The following PINX1 variants were observed in gnomAD, a reference collection of about 807,000 sequenced individuals.
PINX1 encodes PIN2 (TERF1) interacting telomerase inhibitor 1, also known as PIN2/TERF1-interacting telomerase inhibitor 1.
PINX1 carries 34 observed loss-of-function variants against 25.4 expected under a neutral mutation model. The observed-to-expected ratio is 1.34, with a 90% CI of 1.02 to 1.78. The LOEUF is 1.78. PINX1 is among the 40% of genes most tolerant of loss of function. The pLI, the probability that PINX1 is intolerant of heterozygous loss-of-function variation, is 0.00. For synonymous variants in PINX1, 197 were observed against 147.7 expected (o/e 1.33, Z -2.42); for missense variants, 592 against 404.9 (o/e 1.46, Z -3.97).
At chr8:10,814,414 GGA>G (rs1797631180) in intron 6 of PINX1, among the ~76,000 whole-genome samples, 1 of 152,176 alleles carries the variant, frequency 6.6e-6, no homozygotes, top group Non-Finnish European at 1.5e-5. Flanking sequence ...TGAAGTCAGA[GGA>G]GAGTCCTTCA....
chr8:10,813,477 C>T (rs1454547138), intron 6 of PINX1, among the ~76,000 whole-genome samples: 1 of 152,140 alleles, frequency 6.6e-6, no homozygotes, highest in African/African-American at 2.4e-5. Context: ...ATGAATTCCA[C>T]CAAGCAAAGC....
intron 6 of PINX1, among the ~76,000 whole-genome samples, chr8:10,798,378 CA>C (rs1343003688): frequency 6.6e-6 from 1 of 152,174 alleles, no homozygotes; most frequent in Non-Finnish European, 1.5e-5. Context: ...TAATTGGAAA[CA>C]AATCAGAATG....
At chr8:10,793,453 T>C (rs1425477388) in intron 6 of PINX1, among the ~76,000 whole-genome samples, 4 of 152,158 alleles carry the variant, frequency 2.6e-5, no homozygotes, top group East Asian at 3.9e-4. Context: ...TGATGTGCTA[T>C]TTAAAAAAAA....
intron 6 of PINX1, among the ~76,000 whole-genome samples, chr8:10,794,423 C>A (rs775300703): frequency 6.6e-6 from 1 of 152,008 alleles, no homozygotes; most frequent in Non-Finnish European, 1.5e-5. Context: ...GGAGCAAACC[C>A]TTCGCCTGTT....
At chr8:10,820,936 G>T (rs925605629) in intron 5 of PINX1, among the ~76,000 whole-genome samples, 1 of 152,168 alleles carries the variant, frequency 6.6e-6, no homozygotes, top group Non-Finnish European at 1.5e-5. Flanking sequence ...TGGCTCTATG[G>T]TTCTTATTTA....
intron 6 of PINX1, among the ~76,000 whole-genome samples, chr8:10,803,087 CTT>C (rs545692932): frequency 2.6e-5 from 4 of 152,110 alleles, no homozygotes; most frequent in Non-Finnish European, 4.4e-5. Context: ...ATTAAAAAAA[CTT>C]TTTTATTGTG....
chr8:10,823,367 A>G (rs993391937), intron 5 of PINX1, among the ~76,000 whole-genome samples: 1 of 152,190 alleles, frequency 6.6e-6, no homozygotes, highest in African/African-American at 2.4e-5. Context: ...CTTTCATCCA[A>G]CAACTGCATA....
chr8:10,831,998 A>C lies in PINX1; in HGVS notation c.223-255T>G, dbSNP rs73209903. Reference sequence around the variant, plus strand: ...TTCAAATGTGAATGACTTATCGATCAAGTCAATATATAGTAAATAATCAAC... The same window carrying C: ...TTCAAATGTGAATGACTTATCGATCCAGTCAATATATAGTAAATAATCAAC... On this transcript the variant is annotated intron_variant, in intron 3 of 6. Coordinates refer to ENST00000314787, the MANE Select transcript of PINX1 (RefSeq NM_017884.6). Among the ~76,000 whole-genome samples the C allele has an allele frequency of 5.0e-3, 756 of 152,364 alleles. 4 individuals are homozygous for C. The highest frequency in any genetic ancestry group is 8.2e-3 in the Admixed American group (125 of 15,308).
chr8:10,791,736 C>G (rs1459639880), intron 6 of PINX1, among the ~76,000 whole-genome samples: 3 of 152,150 alleles, frequency 2.0e-5, no homozygotes, highest in Admixed American at 1.3e-4. Context: ...TAGAGAGAGT[C>G]TGACTACAAA....
chr8:10,839,838 G>T lies in PINX1; in HGVS notation c.-82C>A, dbSNP rs1365728144. On this transcript the variant is annotated 5_prime_UTR_variant, in exon 1 of 7. Transcript: ENST00000314787. ...GGGCTGGAGACTCCAGGAGAATCAG[G>T]ACGTGCGTAACTCCCTCGCCGGCGG... The T allele has an allele frequency of 2.9e-6, 4 of 1,375,336 alleles. No individual in the cohort carries two copies. The highest frequency in any genetic ancestry group is 4.0e-6 in the Non-Finnish European group (4 of 994,220). 85.2% of individuals were successfully genotyped at this position (1,375,336 alleles called of 1,614,324 possible). A position where few individuals can be genotyped will look rare whatever the true frequency, so the allele number is the denominator to read the frequency against.
chr8:10,811,933 G>A (rs1430553472), intron 6 of PINX1, among the ~76,000 whole-genome samples: 1 of 152,174 alleles, frequency 6.6e-6, no homozygotes, highest in Non-Finnish European at 1.5e-5. Flanking sequence ...GGTGGTAAGG[G>A]CCCACTTAGA....
At chr8:10,779,505 A>G in intron 6 of PINX1, among the ~76,000 whole-genome samples, 1 of 152,232 alleles carries the variant, frequency 6.6e-6, no homozygotes, top group East Asian at 1.9e-4. Context: ...ATAAAGACAA[A>G]AAGAACTGCC....
intron 1 of PINX1, among the ~76,000 whole-genome samples, chr8:10,835,622 G>A (rs957870017): frequency 1.4e-4 from 21 of 152,032 alleles, no homozygotes; most frequent in Admixed American, 7.2e-4. Flanking sequence ...CCGCCTTTCC[G>A]GTTTCCCATT....
chr8:10,825,158 G>C (rs1586200487), intron 5 of PINX1, among the ~76,000 whole-genome samples: 1 of 152,150 alleles, frequency 6.6e-6, no homozygotes, highest in African/African-American at 2.4e-5. Flanking sequence ...TGGGCTCCTG[G>C]CCCTAAATGA....
intron 6 of PINX1, among the ~76,000 whole-genome samples, chr8:10,770,067 A>G (rs1165453736): frequency 6.6e-6 from 1 of 152,256 alleles, no homozygotes; most frequent in Non-Finnish European, 1.5e-5. Flanking sequence ...ATAATTTATC[A>G]AACTAGCATG....
intron 6 of PINX1, among the ~76,000 whole-genome samples, chr8:10,802,468 A>G (rs1479684187): frequency 1.3e-5 from 2 of 152,066 alleles, no homozygotes; most frequent in African/African-American, 4.8e-5. Flanking sequence ...TTTGTACTCC[A>G]CTCCATCATC....
intron 1 of PINX1, among the ~76,000 whole-genome samples, chr8:10,836,884 T>C (rs1157925604): frequency 6.6e-6 from 1 of 152,206 alleles, no homozygotes; most frequent in African/African-American, 2.4e-5. Context: ...CCAGCTCTAA[T>C]GGCACCCAAG....
chr8:10,775,587 G>A (rs111752950), intron 6 of PINX1, among the ~76,000 whole-genome samples: 8 of 152,170 alleles, frequency 5.3e-5, no homozygotes, highest in African/African-American at 1.7e-4. Context: ...GCTTCTAAAT[G>A]CTTACTCTTA....
At chr8:10,822,917 T>C (rs1169664358) in intron 5 of PINX1, among the ~76,000 whole-genome samples, 2 of 152,242 alleles carry the variant, frequency 1.3e-5, no homozygotes, top group Non-Finnish European at 2.9e-5. Context: ...ATTTGCATTA[T>C]TCAATCAAGA....
Sources: gnomAD v4.1 joint callset for allele counts (sites outside exome capture counted in the v4.1 genomes callset) on GRCh38, gnomAD v4.1.1 for gene constraint, MANE v1.5 for transcripts, NCBI Gene and HGNC (gene_info 2026-07-23, HGNC 2026-07-21) for gene names.